Variants in FANCE observed in about 807,000 individuals in gnomAD.
The protein encoded by FANCE is FA complementation group E, also known as Fanconi anemia group E protein.
Under a neutral mutation model 57.8 loss-of-function variants are expected in FANCE, and 42 were observed. That is an observed-to-expected ratio of 0.73 (90% CI 0.57 to 0.94). The LOEUF (loss-of-function observed/expected upper bound fraction) is 0.94, where lower values mean the gene tolerates loss of function less well. Ranked by LOEUF, FANCE falls within the 40% of genes least tolerant of loss-of-function variation. FANCE has a pLI of 0.00. For missense variants in FANCE, 608 were observed against 661.8 expected (o/e 0.92, Z 0.89); for synonymous variants, 251 against 286.4 (o/e 0.88, Z 1.25).
chr6:35,462,981 G>T, intron 9 of FANCE, 67 bp downstream of exon 9: 1 of 1,601,040 alleles, frequency 6.2e-7, no homozygotes, highest in Non-Finnish European at 8.5e-7. Context: ...CCACAAGGGT[G>T]TATGAATATG....
intron 7 of FANCE, 36 bp from the exon 8 acceptor site, chr6:35,460,516 G>A: frequency 1.2e-6 from 2 of 1,601,114 alleles, no homozygotes; most frequent in Non-Finnish European, 1.7e-6. Context: ...TTGGGTGGGA[G>A]GCCAGGCATT....
At position 35,458,759 on chromosome 6, in the gene FANCE, G is replaced by T. The variant is rs565134955; in HGVS notation, c.1113+319G>T. ...TGGGATCACAGGTGCCTTCCACCAT[G>T]CCTGGCTAATTTTTGTATTTTTATT... On this transcript the variant is annotated intron_variant, in intron 5 of 9. Coordinates refer to ENST00000229769, the MANE Select transcript of FANCE (RefSeq NM_021922.3). 4.0e-5 allele frequency among the ~76,000 whole-genome samples: 6 copies of T among 151,622 alleles called. No individual in the cohort carries two copies. The South Asian group carries it at 1.3e-3, about 32-fold the overall frequency.
rs1767133770 is a variant in FANCE, at chr6:35,452,343, C to T, written c.-203C>T. The T allele has an allele frequency of 2.1e-6, 1 of 468,390 alleles. No individual in the cohort carries two copies. The highest frequency in any genetic ancestry group is 2.0e-5 in the African/African-American group (1 of 48,996). The allele number at this position is 468,390 out of a possible 1,614,324, so 29.0% of individuals were successfully genotyped here. A position where few individuals can be genotyped will look rare whatever the true frequency, so the allele number is the denominator to read the frequency against. ...GCCCCCGGCCGCGCCTCCCTCCTTCCCTTTCCGACAGCGCGGGAACGGCTG... is the reference window on the plus strand; with the variant it reads ...GCCCCCGGCCGCGCCTCCCTCCTTCTCTTTCCGACAGCGCGGGAACGGCTG... On this transcript the variant is annotated 5_prime_UTR_variant, in exon 1 of 10. Coordinates refer to ENST00000229769, the MANE Select transcript of FANCE (RefSeq NM_021922.3).
intron 4 of FANCE, 113 bp from the exon 5 acceptor site, chr6:35,458,184 T>C: frequency 1.4e-6 from 2 of 1,472,770 alleles, no homozygotes; most frequent in Non-Finnish European, 1.9e-6. Flanking sequence ...CAGACTTTCT[T>C]TGCCCTGGAG....
At chr6:35,452,885 C>T (rs2150886395) in intron 1 of FANCE, 92 bp downstream of exon 1, 4 of 1,203,666 alleles carry the variant, frequency 3.3e-6, no homozygotes, top group Middle Eastern at 3.2e-4. Flanking sequence ...GCCCCTTCAG[C>T]GACGGCCTGC....
chr6:35,461,651 T>G (rs1003658997), intron 8 of FANCE, among the ~76,000 whole-genome samples: 1 of 120,356 alleles, frequency 8.3e-6, no homozygotes, highest in Non-Finnish European at 1.7e-5. Flanking sequence ...ACCTAACTTC[T>G]TTTTTTTTTT....
At chr6:35,459,825 C>T in intron 7 of FANCE, 65 bp downstream of exon 7, 3 of 1,426,648 alleles carry the variant, frequency 2.1e-6, no homozygotes, top group Non-Finnish European at 3.0e-6. Flanking sequence ...AGTGACATCA[C>T]ATGTGTTGGG....
chr6:35,456,453 C>T lies in FANCE; in HGVS notation c.855+100C>T. ...GGACACTTTTTCCCAATGGAGTTGACTGTAGTTCCTGGAGGAAGAAGGAGG... is the reference window on the plus strand; with the variant it reads ...GGACACTTTTTCCCAATGGAGTTGATTGTAGTTCCTGGAGGAAGAAGGAGG... On this transcript the variant is annotated intron_variant, in intron 2 of 9. Coordinates refer to ENST00000229769, the MANE Select transcript of FANCE (RefSeq NM_021922.3). This position sits in a 1 kb window ranked among gnomAD's most constrained non-coding sequence, Gnocchi z 4.3. 1.4e-6 allele frequency: 2 copies of T among 1,474,298 alleles called. No homozygotes were observed. The highest frequency in any genetic ancestry group is 1.9e-6 in the Non-Finnish European group (2 of 1,055,722). The allele number at this position is 1,474,298 out of a possible 1,614,324, so 91.3% of individuals were successfully genotyped here. A position where few individuals can be genotyped will look rare whatever the true frequency, so the allele number is the denominator to read the frequency against.
chr6:35,459,993 C>T (rs1357465033), intron 7 of FANCE, among the ~76,000 whole-genome samples: 2 of 152,034 alleles, frequency 1.3e-5, no homozygotes, highest in South Asian at 2.1e-4. Flanking sequence ...CTACCAAATA[C>T]TTTGTTGTCA....
intron 4 of FANCE, 117 bp downstream of exon 4, chr6:35,458,101 T>G (rs1767421960): frequency 7.9e-7 from 1 of 1,261,862 alleles, no homozygotes. Context: ...TTTGTTGTTT[T>G]CTCTCTCAGC....
intron 7 of FANCE, among the ~76,000 whole-genome samples, chr6:35,460,138 C>T (rs1254045662): frequency 2.0e-5 from 3 of 149,016 alleles, no homozygotes; most frequent in East Asian, 2.0e-4. Context: ...GGGGTGGGGA[C>T]GGAGTCTTGC....
intron 7 of FANCE, 30 bp from the exon 8 acceptor site, chr6:35,460,522 G>T: frequency 1.9e-6 from 3 of 1,607,940 alleles, no homozygotes; most frequent in Non-Finnish European, 2.6e-6. Context: ...GGGAGGCCAG[G>T]CATTTTTCAC....
intron 1 of FANCE, among the ~76,000 whole-genome samples, chr6:35,454,911 GCT>G (rs1325777968): frequency 1.3e-5 from 2 of 152,210 alleles, no homozygotes; most frequent in African/African-American, 4.8e-5. Flanking sequence ...ACAAGTGCCT[GCT>G]CTGGGCTGGC....
In FANCE at chr6:35,462,818, C is replaced by G. The variant is rs763690150; in HGVS notation, c.1413C>G (p.Val471=). 6.2e-7 allele frequency: 1 copy of G among 1,614,168 alleles called. No individual in the cohort carries two copies. ...AGATGACCCCTGAGAAGTTCAGTGT[C>G]TTAATGGAGAAGCTCTGTAAAAAGG... ...QVEMTPEKFS[V]LMEKLCKKGL... Residue 471 remains valine (V), a synonymous_variant, in exon 9 of 10, where the codon GTC becomes GTG. Transcript: ENST00000229769.
chr6:35,457,832 A>G, intron 3 of FANCE, 84 bp from the exon 4 acceptor site: 4 of 1,252,940 alleles, frequency 3.2e-6, no homozygotes, highest in Non-Finnish European at 3.5e-6. Context: ...ATCTCAGGCC[A>G]CTCCTTCTGC....
In FANCE at chr6:35,458,278, C is replaced by G. The variant is rs752510326; in HGVS notation, c.970-19C>G. 6.2e-7 allele frequency: 1 copy of G among 1,612,982 alleles called. No individual in the cohort carries two copies. The highest frequency in any genetic ancestry group is 2.2e-5 in the East Asian group (1 of 44,884). On this transcript the variant is annotated intron_variant, in intron 4 of 9. Coordinates refer to ENST00000229769, the MANE Select transcript of FANCE (RefSeq NM_021922.3). ...GTGCATGTCCCGGTGTCCTCTCTCC[C>G]CCCGCACTCTGTAAGCAGATGGACT...
chr6:35,454,928 T>C (rs1464336225), intron 1 of FANCE, among the ~76,000 whole-genome samples: 1 of 152,206 alleles, frequency 6.6e-6, no homozygotes, highest in Non-Finnish European at 1.5e-5. Context: ...GCTGGCGCTG[T>C]GCTGAGTCCT....
At chr6:35,457,692 C>T (rs1767404773) in intron 3 of FANCE, 92 bp downstream of exon 3, 2 of 1,431,516 alleles carry the variant, frequency 1.4e-6, no homozygotes, top group Non-Finnish European at 1.9e-6. Flanking sequence ...CAGTGATATA[C>T]AAGCTGGCTG....
At chr6:35,457,126 CT>C (rs111581933) in intron 2 of FANCE, among the ~76,000 whole-genome samples, 28 of 147,558 alleles carry the variant, frequency 1.9e-4, no homozygotes, top group South Asian at 1.3e-3. Context: ...ATGTTCTTGA[CT>C]TTTTTTTTTT....
Sources: gnomAD v4.1 joint callset for allele counts (sites outside exome capture counted in the v4.1 genomes callset) on GRCh38, gnomAD v4.1.1 for gene constraint, Gnocchi (gnomAD v3.1) non-coding constraint, MANE v1.5 for transcripts, NCBI Gene and HGNC (gene_info 2026-07-23, HGNC 2026-07-21) for gene names.